Variants in CLYBL observed in about 807,000 individuals in gnomAD.
The protein encoded by CLYBL is citramalyl-CoA lyase, also known as citramalyl-CoA lyase, mitochondrial.
CLYBL carries 31 observed loss-of-function variants against 38.9 expected under a neutral mutation model. That is an observed-to-expected ratio of 0.80 (90% CI 0.60 to 1.08). The LOEUF (loss-of-function observed/expected upper bound fraction) is 1.08. CLYBL is among the 50% of genes least tolerant of loss of function. The pLI is 0.00. For missense variants in CLYBL, 434 were observed against 411.6 expected, an observed-to-expected ratio of 1.05 and a Z score of -0.47; for synonymous variants, 171 against 158.6, an observed-to-expected ratio of 1.08 and a Z score of -0.59.
chr13:99,635,189 G>T (rs943652181), intron 1 of CLYBL, among the ~76,000 whole-genome samples: 1 of 152,012 alleles, frequency 6.6e-6, no homozygotes, highest in Non-Finnish European at 1.5e-5. Context: ...CCCCAGGTAC[G>T]TTTCATTAGG....
intron 2 of CLYBL, among the ~76,000 whole-genome samples, chr13:99,789,085 T>G (rs2049861274): frequency 6.6e-6 from 1 of 152,194 alleles, no homozygotes; most frequent in African/African-American, 2.4e-5. Flanking sequence ...ATTTGATTCT[T>G]CTCTCTTTTC....
At chr13:99,881,145 G>A (rs2052196825) in intron 7 of CLYBL, among the ~76,000 whole-genome samples, 1 of 152,202 alleles carries the variant, frequency 6.6e-6, no homozygotes, top group Non-Finnish European at 1.5e-5. Flanking sequence ...GCCATGGAGT[G>A]TCTTCCGTCT....
chr13:99,805,194 G>A (rs1030434899), intron 2 of CLYBL, among the ~76,000 whole-genome samples: 3 of 151,950 alleles, frequency 2.0e-5, no homozygotes, highest in East Asian at 1.9e-4. Context: ...TTCCACTTTC[G>A]GCTGTTGTAA....
At chr13:99,698,390 G>A (rs1343139017) in intron 1 of CLYBL, among the ~76,000 whole-genome samples, 2 of 151,894 alleles carry the variant, frequency 1.3e-5, no homozygotes, top group Admixed American at 6.6e-5. Context: ...TGCCTTGATG[G>A]AGTTTCTAGT....
rs3033584 is a variant in CLYBL at position 99,797,560 on chromosome 13, TTGTG to T, written c.249+24578_249+24581del. ...TTTCTGTGTCTGCCATGTTAGCTGT[TTGTG>T]TGTGTGTGTGTGTGTGTGTGTGTGT... On this transcript the variant is annotated intron_variant, in intron 2 of 8. Transcript: ENST00000339105. Among the ~76,000 whole-genome samples, 6 of 141,806 alleles carry T rather than the reference TTGTG, an allele frequency of 4.2e-5. No individual in the cohort carries two copies. The South Asian group carries it at 9.5e-4, about 22-fold the overall frequency. 93.0% of individuals were successfully genotyped at this position (141,806 alleles called of 152,430 possible). A position where few individuals can be genotyped will look rare whatever the true frequency, so the allele number is the denominator to read the frequency against.
intron 7 of CLYBL, among the ~76,000 whole-genome samples, chr13:99,886,274 C>T (rs1050073625): frequency 1.3e-5 from 2 of 152,124 alleles, no homozygotes; most frequent in African/African-American, 4.8e-5. Flanking sequence ...TCTTTTAGGA[C>T]TATGGAGAAA....
At position 99,771,778 on chromosome 13, in the gene CLYBL, A is replaced by G. The variant is rs150888942; in HGVS notation, c.63-1046A>G. Among the ~76,000 whole-genome samples the G allele has an allele frequency of 1.6e-3, 241 of 152,320 alleles. 2 individuals are homozygous for G. In the East Asian group the frequency reaches 0.04, roughly 25 times the overall value. On this transcript the variant is annotated intron_variant, in intron 1 of 8. Transcript: ENST00000339105. The stretch of plus-strand genomic sequence containing the variant: ...ACTGACAGCTAGAGATTCTCCATTA[A>G]TAACAACAGCAGCTGCTGGTACTCC...
At chr13:99,888,277 T>TTTTATAA (rs1378698564) in intron 7 of CLYBL, among the ~76,000 whole-genome samples, 1 of 26,402 alleles carries the variant, frequency 3.8e-5, no homozygotes, top group East Asian at 6.0e-4. Flanking sequence ...ATGTTTTATG[T>TTTTATAA]TTTTGCCACA....
At chr13:99,782,041 A>G (rs375165249) in intron 2 of CLYBL, among the ~76,000 whole-genome samples, 15 of 152,126 alleles carry the variant, frequency 9.9e-5, no homozygotes, top group African/African-American at 3.6e-4. Flanking sequence ...TGCTATCTAC[A>G]GTATTTCTTT....
downstream of CLYBL, among the ~76,000 whole-genome samples, chr13:99,898,884 C>T (rs1162024217): frequency 2.0e-5 from 3 of 152,132 alleles, no homozygotes; most frequent in African/African-American, 7.2e-5. Flanking sequence ...GTGTGGATGC[C>T]TTGAATATTG....
chr13:99,830,743 A>G (rs1345233353), intron 2 of CLYBL, among the ~76,000 whole-genome samples: 6 of 152,212 alleles, frequency 3.9e-5, no homozygotes, highest in African/African-American at 1.4e-4. Flanking sequence ...TTGTTAACAT[A>G]CTGCTTTCTA....
intron 2 of CLYBL, among the ~76,000 whole-genome samples, chr13:99,799,889 G>A (rs9557309): frequency 0.19 from 28,725 of 152,180 alleles, 3,734 homozygotes; most frequent in East Asian, 0.37. Context: ...GTCAGATGTC[G>A]CGTGCACCCA....
intron 1 of CLYBL, among the ~76,000 whole-genome samples, chr13:99,629,746 G>A (rs2046917548): frequency 1.3e-5 from 2 of 152,188 alleles, no homozygotes; most frequent in Admixed American, 1.3e-4. Flanking sequence ...CCCCAGCCCA[G>A]GAGATCATGT....
chr13:99,677,318 A>G (rs1445788101), intron 1 of CLYBL, among the ~76,000 whole-genome samples: 4 of 151,982 alleles, frequency 2.6e-5, no homozygotes, highest in Non-Finnish European at 4.4e-5. Context: ...AGCCAAATAC[A>G]TTGACTTTGA....
Position 99,838,589 on chromosome 13 carries a change from T to C in CLYBL, c.250-20272T>C, listed in dbSNP as rs199838758. ...GAAGAATGCTAACACTGACTTTTGT[T>C]AAATGCTGTAATCTTCCCATATTAC... On this transcript the variant is annotated intron_variant, in intron 2 of 8. Transcript: ENST00000339105. Among the ~76,000 whole-genome samples, 8 of 152,234 alleles carry C rather than the reference T, an allele frequency of 5.3e-5. No homozygotes were observed. In the East Asian group the frequency reaches 1.5e-3, roughly 29 times the overall value.
intron 7 of CLYBL, among the ~76,000 whole-genome samples, chr13:99,882,840 A>G (rs1484560251): frequency 5.9e-5 from 9 of 152,012 alleles, no homozygotes; most frequent in African/African-American, 1.9e-4. Flanking sequence ...TGCCAAGACA[A>G]TCTTCCTATT....
Position 99,651,205 on chromosome 13 carries a change from A to G in CLYBL, c.62+44448A>G, listed in dbSNP as rs549661119. On this transcript the variant is annotated intron_variant, in intron 1 of 8. Coordinates refer to ENST00000339105, the MANE Select transcript of CLYBL (RefSeq NM_206808.5). ...GCTGTCTCCCATGTTAGATCCAACC[A>G]CCTAGGTCATAGCGCTACTGCTGGT... Among the ~76,000 whole-genome samples the G allele has an allele frequency of 5.9e-5, 9 of 152,264 alleles. No homozygotes were observed. The South Asian group carries it at 1.9e-3, about 32-fold the overall frequency.
At chr13:99,824,257 G>C (rs1199879424) in intron 2 of CLYBL, among the ~76,000 whole-genome samples, 2 of 130,414 alleles carry the variant, frequency 1.5e-5, no homozygotes, top group African/African-American at 2.9e-5. Context: ...CTGACTAATA[G>C]CCCCCCCCAC....
chr13:99,839,453 A>T (rs558315968), intron 2 of CLYBL, among the ~76,000 whole-genome samples: 4 of 152,366 alleles, frequency 2.6e-5, no homozygotes, highest in African/African-American at 9.6e-5. Context: ...GGTAACTATG[A>T]AGACTCTTCC....
Sources: allele counts gnomAD v4.1 joint callset (sites outside exome capture counted in the v4.1 genomes callset), GRCh38; gene constraint gnomAD v4.1.1; transcripts MANE v1.5; gene names NCBI Gene and HGNC (gene_info 2026-07-23, HGNC 2026-07-21).